The following PLCH1 variants were observed in gnomAD, a reference collection of about 807,000 sequenced individuals.
The protein encoded by PLCH1 is phospholipase C eta 1.
PLCH1 carries 60 observed loss-of-function variants against 126.7 expected under a neutral mutation model. The observed-to-expected ratio is 0.47, with a 90% CI of 0.38 to 0.59. The LOEUF (loss-of-function observed/expected upper bound fraction) is 0.59, where lower values mean the gene tolerates loss of function less well. Ranked by LOEUF, PLCH1 falls within the 20% of genes least tolerant of loss-of-function variation. The pLI is 0.00. For synonymous variants in PLCH1, 719 were observed against 734.9 expected, an observed-to-expected ratio of 0.98 and a Z score of 0.35; for missense variants, 1,723 against 2,040.0, an observed-to-expected ratio of 0.84 and a Z score of 2.99.
At chr3:155,549,481 C>T (rs1355383407) in intron 10 of PLCH1, among the ~76,000 whole-genome samples, 4 of 152,108 alleles carry the variant, frequency 2.6e-5, no homozygotes, top group Non-Finnish European at 4.4e-5. Context: ...CTGAACCTCA[C>T]GCTCCTACAC....
chr3:155,505,517 A>C (rs934591), intron 12 of PLCH1, among the ~76,000 whole-genome samples: 24,283 of 152,176 alleles, frequency 0.16, 2,420 homozygotes, highest in African/African-American at 0.28. Context: ...TGTGGGTGAG[A>C]AAAAACAGTT....
rs555549624 is a variant in PLCH1 at position 155,656,643 on chromosome 3, T to G, written c.79+47503A>C. On this transcript the variant is annotated intron_variant, in intron 2 of 22. Coordinates refer to ENST00000460012, the MANE Select transcript of PLCH1 (RefSeq NM_014996.4). The stretch of plus-strand genomic sequence containing the variant: ...AATAAAATAGAAATTAGCGGTTATT[T>G]CCTTGTGAGTATGTGTGTGCCTGTG... 9.8e-5 allele frequency among the ~76,000 whole-genome samples: 15 copies of G among 152,316 alleles called. No homozygotes were observed. In the South Asian group the frequency reaches 3.1e-3, roughly 32 times the overall value.
chr3:155,495,872 C>T, intron 15 of PLCH1, among the ~76,000 whole-genome samples: 1 of 152,150 alleles, frequency 6.6e-6, no homozygotes, highest in South Asian at 2.1e-4. Flanking sequence ...AACCTATTAA[C>T]ACAGTTTACA....
At chr3:155,640,490 C>G (rs1214969147) in intron 2 of PLCH1, among the ~76,000 whole-genome samples, 1 of 152,196 alleles carries the variant, frequency 6.6e-6, no homozygotes, top group Admixed American at 6.5e-5. Context: ...ACAATCAGCA[C>G]CCTGGCTGAA....
intron 2 of PLCH1, among the ~76,000 whole-genome samples, chr3:155,658,901 CTTCACAA>C (rs1463240514): frequency 6.6e-6 from 1 of 152,224 alleles, no homozygotes; most frequent in East Asian, 1.9e-4. Flanking sequence ...ACAGCTTCTC[CTTCACAA>C]GTAATTAAGA....
chr3:155,575,780 G>A (rs141940707), intron 6 of PLCH1, among the ~76,000 whole-genome samples: 323 of 152,044 alleles, frequency 2.1e-3, no homozygotes, highest in African/African-American at 7.2e-3. Context: ...CCTCCACCCC[G>A]CAAGTAGCTG....
chr3:155,475,827 C>T (rs996793212), downstream of PLCH1, among the ~76,000 whole-genome samples: 5 of 152,026 alleles, frequency 3.3e-5, no homozygotes, highest in African/African-American at 1.2e-4. Flanking sequence ...ATAAAAAAGT[C>T]TCTCAGTAGA....
At chr3:155,734,672 G>GTA (rs149319192) in intron 1 of PLCH1, among the ~76,000 whole-genome samples, 46 of 149,966 alleles carry the variant, frequency 3.1e-4, no homozygotes, top group South Asian at 4.3e-4. Flanking sequence ...AGAAAATGTG[G>GTA]TATATATATA....
intron 2 of PLCH1, among the ~76,000 whole-genome samples, chr3:155,671,662 G>T (rs1439625110): frequency 6.6e-6 from 1 of 152,122 alleles, no homozygotes; most frequent in Non-Finnish European, 1.5e-5. Flanking sequence ...AGCTGGCAGA[G>T]CAGGAAACCA....
At chr3:155,729,807 G>A (rs987007714) in intron 1 of PLCH1, among the ~76,000 whole-genome samples, 1 of 151,548 alleles carries the variant, frequency 6.6e-6, no homozygotes, top group East Asian at 1.9e-4. Context: ...ACACCTTGTA[G>A]TTCCAGCTAC....
intron 2 of PLCH1, among the ~76,000 whole-genome samples, chr3:155,628,594 T>G (rs9818926): frequency 0.48 from 72,822 of 150,348 alleles, 20,081 homozygotes; most frequent in African/African-American, 0.74. Flanking sequence ...TCTTCATTCT[T>G]AAGGCTCCTG....
chr3:155,666,396 T>C (rs1345311934), intron 2 of PLCH1, among the ~76,000 whole-genome samples: 1 of 152,242 alleles, frequency 6.6e-6, no homozygotes, highest in Non-Finnish European at 1.5e-5. Flanking sequence ...CTCAAGTTTT[T>C]AGTTCTCTTC....
intron 12 of PLCH1, among the ~76,000 whole-genome samples, chr3:155,506,734 T>C (rs950353268): frequency 6.8e-6 from 1 of 147,066 alleles, no homozygotes; most frequent in African/African-American, 2.5e-5. Context: ...TGCCACATTT[T>C]CTTAATCCAG....
In PLCH1 at chr3:155,481,484, G is replaced by A; in HGVS notation, c.4542C>T (p.Gly1514=). 6.2e-7 allele frequency: 1 copy of A among 1,614,128 alleles called. No individual in the cohort carries two copies. The highest frequency in any genetic ancestry group is 1.1e-5 in the South Asian group (1 of 91,086). Residue 1514 remains glycine (G), a synonymous_variant, in exon 23 of 23, where the codon GGC becomes GGT. Coordinates refer to ENST00000460012, the MANE Select transcript of PLCH1 (RefSeq NM_014996.4). The surrounding 1 kb of genome is among the most constrained non-coding windows in gnomAD (Gnocchi z 4.2). ...QCISKSFVTT[G]IRDKKGVTVK... is the part of the protein sequence containing the mutation. ...CAGTCACGCCCTTCTTGTCTCTAATGCCAGTTGTAACAAAACTCTTACTAA... is the reference window on the plus strand; with the variant it reads ...CAGTCACGCCCTTCTTGTCTCTAATACCAGTTGTAACAAAACTCTTACTAA...
intron 2 of PLCH1, among the ~76,000 whole-genome samples, chr3:155,600,300 GCCACTTTCTTCCTATTCTGCCT>G (rs1435899501): frequency 1.3e-5 from 2 of 152,158 alleles, no homozygotes; most frequent in Non-Finnish European, 2.9e-5. Context: ...GTCAGCACAA[GCCACTTTCTTCCTATTCTGCCT>G]CCAACAGAAA....
chr3:155,546,044 T>C (rs1409917276), intron 10 of PLCH1, among the ~76,000 whole-genome samples: 1 of 152,048 alleles, frequency 6.6e-6, no homozygotes, highest in Non-Finnish European at 1.5e-5. Context: ...CCAGGGCAAT[T>C]AGGCAGAAGA....
chr3:155,481,944 A>G lies in PLCH1; in HGVS notation c.4082T>C (p.Leu1361Pro), dbSNP rs746877061. The G allele has an allele frequency of 6.2e-7, 1 of 1,614,060 alleles. No homozygotes were observed. Among genetic ancestry groups the G allele is most frequent in the Admixed American group, 1.7e-5 (1 of 60,002 alleles). ...CCTATATTCACAGGTTGTTAGAGAA[A>G]GATTTTCTGATTCTCCATCAATTTC... ...LVEIDGESEN[L>P]SLTTCEYRRE... is the part of the protein sequence containing the mutation. The change falls in exon 23 of 23, where the codon CTT (leucine) becomes CCT (proline). Residue 1361 changes from leucine to proline, a missense_variant. Leu to Pro is a moderately conservative substitution (Grantham distance 98, BLOSUM62 -3). Around this residue, in one of 2 missense-constraint regions of PLCH1, gnomAD observed 947 missense variants for 977.1 expected, o/e 0.97. Transcript: ENST00000460012. This position sits in a 1 kb window ranked among gnomAD's most constrained non-coding sequence, Gnocchi z 4.2.
intron 8 of PLCH1, 149 bp downstream of exon 8, chr3:155,564,766 A>G: frequency 1.7e-6 from 1 of 577,752 alleles, no homozygotes; most frequent in South Asian, 2.4e-5. Flanking sequence ...GAGAATTATG[A>G]GTTAAGATTG....
intron 11 of PLCH1, among the ~76,000 whole-genome samples, chr3:155,519,944 G>A (rs1159532156): frequency 1.3e-5 from 2 of 151,968 alleles, no homozygotes; most frequent in Non-Finnish European, 2.9e-5. Flanking sequence ...GAAGGTCTTG[G>A]CTGAAGAACA....
Sources: gnomAD v4.1 joint callset for allele counts (sites outside exome capture counted in the v4.1 genomes callset) on GRCh38, gnomAD v4.1.1 for gene constraint, gnomAD v4.1.1 regional missense constraint, Gnocchi (gnomAD v3.1) non-coding constraint, MANE v1.5 for transcripts, NCBI Gene and HGNC (gene_info 2026-07-23, HGNC 2026-07-21) for gene names.